CDH13: variants seen among roughly 807,000 people sequenced by gnomAD.
The protein encoded by CDH13 is cadherin 13, also known as cadherin-13.
Under a neutral mutation model 63.8 loss-of-function variants are expected in CDH13, and 24 were observed. The observed-to-expected ratio is 0.38, with a 90% CI of 0.27 to 0.53. The LOEUF is 0.53. Among genes scored for constraint, CDH13 ranks in the 20% least tolerant of loss-of-function variants. The pLI, the probability that CDH13 is intolerant of heterozygous loss-of-function variation, is 0.85. For missense variants in CDH13, 1,049 were observed against 903.1 expected (o/e 1.16, Z -2.07); for synonymous variants, 503 against 355.3 (o/e 1.42, Z -4.67).
intron 2 of CDH13, among the ~76,000 whole-genome samples, chr16:83,014,812 ATTTGTATATATATATT>A (rs1914575875): frequency 1.2e-5 from 1 of 80,216 alleles, no homozygotes; most frequent in Non-Finnish European, 2.4e-5. Context: ...ATGTATATAT[ATTTGTATATATATATT>A]TGTATATATA....
Position 83,047,618 on chromosome 16 carries a change from G to T in CDH13, c.366+15400G>T, listed in dbSNP as rs556347163. Among the ~76,000 whole-genome samples the T allele has an allele frequency of 6.6e-6, 1 of 152,164 alleles. No homozygotes were observed. The highest frequency in any genetic ancestry group is 1.5e-5 in the Non-Finnish European group (1 of 68,042). ...AAATTCTGCATAAATAAAATAATAT[G>T]CTCCATAATGGCAGAGATTTGACTG... On this transcript the variant is annotated intron_variant, in intron 3 of 13. Transcript: ENST00000567109. This position sits in a 1 kb window ranked among gnomAD's most constrained non-coding sequence, Gnocchi z 4.9.
At chr16:82,801,929 G>A (rs2036872888) in intron 1 of CDH13, among the ~76,000 whole-genome samples, 1 of 152,178 alleles carries the variant, frequency 6.6e-6, no homozygotes, top group Admixed American at 6.5e-5. Context: ...AGTGATGCAG[G>A]AAACTACAGT....
chr16:82,787,741 A>G (rs1340389529), intron 1 of CDH13, among the ~76,000 whole-genome samples: 1 of 141,748 alleles, frequency 7.1e-6, no homozygotes, highest in African/African-American at 2.6e-5. Flanking sequence ...CTCATTAATC[A>G]TGCTCTTGAT....
chr16:82,985,922 C>T (rs1910878688), intron 2 of CDH13, among the ~76,000 whole-genome samples: 1 of 152,086 alleles, frequency 6.6e-6, no homozygotes, highest in South Asian at 2.1e-4. Context: ...TTGTGCCTGC[C>T]TCCCTTTCAC....
intron 8 of CDH13, among the ~76,000 whole-genome samples, chr16:83,653,416 C>G (rs926945650): frequency 1.4e-5 from 2 of 147,030 alleles, no homozygotes; most frequent in African/African-American, 5.0e-5. Context: ...AACTTGAGCT[C>G]TTGTTAAGGT....
At chr16:82,719,743 G>A (rs1301327360) in intron 1 of CDH13, among the ~76,000 whole-genome samples, 3 of 151,350 alleles carry the variant, frequency 2.0e-5, no homozygotes, top group Non-Finnish European at 2.9e-5. Context: ...CTACTCGGGA[G>A]GCTGAAACAG....
chr16:83,319,930 A>G lies in CDH13; in HGVS notation c.637-24932A>G, dbSNP rs186233153. ...AAATGAAATGATTAATACAGCCCAC[A>G]GACAGTAGACGTTAGGCATCATGGA... On this transcript the variant is annotated intron_variant, in intron 5 of 13. Transcript: ENST00000567109. 2.4e-3 allele frequency among the ~76,000 whole-genome samples: 359 copies of G among 152,364 alleles called. 1 individual carries two copies. The highest frequency in any genetic ancestry group is 4.2e-3 in the Non-Finnish European group (285 of 68,032).
intron 5 of CDH13, among the ~76,000 whole-genome samples, chr16:83,331,768 A>G (rs2090485181): frequency 6.6e-6 from 1 of 152,214 alleles, no homozygotes; most frequent in Non-Finnish European, 1.5e-5. Context: ...ATACTATACC[A>G]TTAGTATATT....
At chr16:83,511,873 T>A (rs2074574072) in intron 7 of CDH13, among the ~76,000 whole-genome samples, 1 of 152,158 alleles carries the variant, frequency 6.6e-6, no homozygotes, top group South Asian at 2.1e-4. Flanking sequence ...CTTCCTAGCT[T>A]TGAGGCCTGG....
intron 2 of CDH13, among the ~76,000 whole-genome samples, chr16:83,003,569 T>C (rs1913168528): frequency 1.3e-5 from 2 of 152,218 alleles, no homozygotes; most frequent in Non-Finnish European, 2.9e-5. Context: ...CAAGCAAGTA[T>C]AGCTCAATTG....
intron 5 of CDH13, among the ~76,000 whole-genome samples, chr16:83,337,398 C>T (rs1202614413): frequency 6.6e-6 from 1 of 152,050 alleles, no homozygotes; most frequent in African/African-American, 2.4e-5. Context: ...GGAGTTGAGC[C>T]CCTTTTTTCC....
chr16:83,408,124 G>A (rs539339315), intron 6 of CDH13, among the ~76,000 whole-genome samples: 326 of 152,234 alleles, frequency 2.1e-3, no homozygotes, highest in African/African-American at 7.1e-3. Flanking sequence ...AGATGTACCC[G>A]GTCTCATTCT....
intron 10 of CDH13, among the ~76,000 whole-genome samples, chr16:83,698,569 G>A (rs1228068762): frequency 6.6e-6 from 1 of 152,206 alleles, no homozygotes; most frequent in Non-Finnish European, 1.5e-5. Context: ...GCAGACAGGG[G>A]CTGCTCTTGG....
chr16:82,811,834 C>T (rs1022371253), intron 1 of CDH13, among the ~76,000 whole-genome samples: 3 of 152,122 alleles, frequency 2.0e-5, no homozygotes, highest in East Asian at 1.9e-4. Flanking sequence ...TTATGGCTTA[C>T]ACCACTCAAC....
intron 7 of CDH13, among the ~76,000 whole-genome samples, chr16:83,487,751 G>C (rs1313019486): frequency 6.6e-6 from 1 of 152,206 alleles, no homozygotes; most frequent in African/African-American, 2.4e-5. Context: ...CCACGTAACT[G>C]CTGGGCTTCC....
At chr16:82,935,731 A>T (rs1301992831) in intron 2 of CDH13, among the ~76,000 whole-genome samples, 1 of 152,132 alleles carries the variant, frequency 6.6e-6, no homozygotes, top group African/African-American at 2.4e-5. Flanking sequence ...GTGTCATTAG[A>T]GTCTCATAGA....
intron 2 of CDH13, among the ~76,000 whole-genome samples, chr16:82,997,101 A>G (rs372878161): frequency 6.7e-6 from 1 of 149,108 alleles, no homozygotes; most frequent in Non-Finnish European, 1.5e-5. Context: ...GATGATGGTG[A>G]TGGTAGTGGT....
chr16:83,479,853 A>G (rs1270618123), intron 6 of CDH13, among the ~76,000 whole-genome samples: 1 of 152,242 alleles, frequency 6.6e-6, no homozygotes, highest in Non-Finnish European at 1.5e-5. Context: ...CATAGCACAT[A>G]AATAGATACA....
intron 6 of CDH13, among the ~76,000 whole-genome samples, chr16:83,423,295 G>A (rs2071772327): frequency 6.6e-6 from 1 of 152,046 alleles, no homozygotes; most frequent in Non-Finnish European, 1.5e-5. Context: ...TTTTAACTAA[G>A]TCGTTATTGA....
Sources: gnomAD v4.1 joint callset for allele counts (sites outside exome capture counted in the v4.1 genomes callset) on GRCh38, gnomAD v4.1.1 for gene constraint, Gnocchi (gnomAD v3.1) non-coding constraint, MANE v1.5 for transcripts, NCBI Gene and HGNC (gene_info 2026-07-23, HGNC 2026-07-21) for gene names.